XPO4: variants seen among roughly 807,000 people sequenced by gnomAD.
XPO4 encodes the protein exportin 4, also known as exportin-4.
XPO4 carries 39 observed loss-of-function variants against 143.0 expected under a neutral mutation model. The ratio of observed to expected loss-of-function variants is 0.27; its 90% CI spans 0.21 to 0.36. The LOEUF is 0.36. XPO4 is among the 10% of genes least tolerant of loss of function. XPO4 has a pLI of 1.00. For missense variants in XPO4, 907 were observed against 1,348.0 expected (o/e 0.67, Z 5.12); for synonymous variants, 439 against 474.0 (o/e 0.93, Z 0.96).
intron 6 of XPO4, among the ~76,000 whole-genome samples, chr13:20,829,389 G>A (rs1170193452): frequency 1.3e-5 from 2 of 152,022 alleles, no homozygotes; most frequent in South Asian, 2.1e-4. Context: ...GTAATATTTC[G>A]TATGCTTATA....
chr13:20,846,447 A>G (rs1482724549), intron 4 of XPO4, among the ~76,000 whole-genome samples: 1 of 152,216 alleles, frequency 6.6e-6, no homozygotes, highest in African/African-American at 2.4e-5. Flanking sequence ...CCCTAGTGGC[A>G]TGGAACTGCT....
At chr13:20,819,558 G>T (rs1011938540) in intron 9 of XPO4, among the ~76,000 whole-genome samples, 1 of 152,038 alleles carries the variant, frequency 6.6e-6, no homozygotes, top group Non-Finnish European at 1.5e-5. Flanking sequence ...TACTCGGGAG[G>T]CTGATGCAGA....
At chr13:20,875,939 A>T (rs903423305) in intron 1 of XPO4, among the ~76,000 whole-genome samples, 1 of 152,044 alleles carries the variant, frequency 6.6e-6, no homozygotes, top group African/African-American at 2.4e-5. Flanking sequence ...GTAAAGGCAC[A>T]AAAGGGTCAA....
intron 1 of XPO4, among the ~76,000 whole-genome samples, chr13:20,882,489 C>G (rs2060421906): frequency 6.6e-6 from 1 of 152,108 alleles, no homozygotes; most frequent in Admixed American, 6.6e-5. Flanking sequence ...ATGAGGGATC[C>G]ACCTCATGAC....
intron 4 of XPO4, among the ~76,000 whole-genome samples, chr13:20,847,522 C>T (rs1472745473): frequency 6.6e-6 from 1 of 152,154 alleles, no homozygotes; most frequent in East Asian, 1.9e-4. Flanking sequence ...TTTTCTTACC[C>T]TTAAAGAATG....
At chr13:20,796,342 C>G (rs896323476) in intron 17 of XPO4, 86 bp from the exon 18 acceptor site, 14 of 976,702 alleles carry the variant, frequency 1.4e-5, no homozygotes, top group Admixed American at 3.5e-5. Context: ...TAAATTAACT[C>G]CGAATTCCAA....
At chr13:20,806,761 C>T (rs2137879254) in intron 13 of XPO4, among the ~76,000 whole-genome samples, 1 of 151,972 alleles carries the variant, frequency 6.6e-6, no homozygotes. Context: ...CCATGTTGGC[C>T]AGGAGGGTCT....
chr13:20,845,243 T>C (rs2138067918), intron 4 of XPO4, among the ~76,000 whole-genome samples: 1 of 152,298 alleles, frequency 6.6e-6, no homozygotes, highest in Middle Eastern at 3.4e-3. Context: ...AGCGTGACTA[T>C]ATAGCTAATA....
intron 3 of XPO4, chr13:20,859,738 C>T (rs2060179410): frequency 6.4e-6 from 3 of 472,350 alleles, no homozygotes; most frequent in South Asian, 1.8e-4. Flanking sequence ...GATCACGCCA[C>T]TGCACTCCAG....
intron 7 of XPO4, among the ~76,000 whole-genome samples, chr13:20,823,633 C>T (rs1302997996): frequency 6.6e-6 from 1 of 151,534 alleles, no homozygotes; most frequent in South Asian, 2.1e-4. Context: ...ATTTTGTGAC[C>T]TGTGGAAATT....
chr13:20,817,364 T>C (rs1017882267), intron 9 of XPO4, among the ~76,000 whole-genome samples: 3 of 152,230 alleles, frequency 2.0e-5, no homozygotes, highest in Admixed American at 6.5e-5. Flanking sequence ...ACTTGACAAA[T>C]TGCAAATTTA....
intron 7 of XPO4, among the ~76,000 whole-genome samples, chr13:20,824,786 G>A (rs2059763596): frequency 6.6e-6 from 1 of 152,144 alleles, no homozygotes; most frequent in Non-Finnish European, 1.5e-5. Context: ...GAATGGCAAG[G>A]ATATGCATCA....
intron 13 of XPO4, among the ~76,000 whole-genome samples, chr13:20,804,212 T>TTA (rs936581445): frequency 1.1e-3 from 167 of 149,860 alleles, no homozygotes; most frequent in African/African-American, 3.8e-3. Flanking sequence ...TATACACACA[T>TTA]TATATATATA....
intron 6 of XPO4, among the ~76,000 whole-genome samples, chr13:20,837,150 A>G (rs767352638): frequency 2.6e-5 from 4 of 152,180 alleles, no homozygotes; most frequent in Non-Finnish European, 5.9e-5. Context: ...ACATTCATGT[A>G]CAAGTTTTTG....
In XPO4 at chr13:20,850,019, T is replaced by C. The variant is rs1184617988; in HGVS notation, c.456+5608A>G. On this transcript the variant is annotated intron_variant, in intron 4 of 22. Coordinates refer to ENST00000255305, the MANE Select transcript of XPO4 (RefSeq NM_022459.5). ...TACTCGGGTGGCTGAGGCATGAGAA[T>C]CGCTTAAACCCAGGAGGCGGAGGTT... The C allele has an allele frequency of 1.1e-5, 8 of 733,288 alleles. No homozygotes were observed. The East Asian group carries it at 3.9e-4, about 36-fold the overall frequency. 45.4% of individuals were successfully genotyped at this position (733,288 alleles called of 1,614,324 possible).
At chr13:20,816,592 A>G (rs1335427452) in intron 9 of XPO4, among the ~76,000 whole-genome samples, 1 of 152,252 alleles carries the variant, frequency 6.6e-6, no homozygotes, top group East Asian at 1.9e-4. Flanking sequence ...CAGACAGATC[A>G]CTTAAATATG....
intron 3 of XPO4, among the ~76,000 whole-genome samples, chr13:20,858,888 G>GA (rs1451067420): frequency 7.4e-6 from 1 of 135,274 alleles, no homozygotes; most frequent in Non-Finnish European, 1.6e-5. Context: ...AACAAAAAAA[G>GA]AAAAAATTAA....
chr13:20,852,563 C>T, intron 4 of XPO4: 1 of 983,600 alleles, frequency 1.0e-6, no homozygotes, highest in Non-Finnish European at 1.2e-6. Context: ...ATCTCATGAA[C>T]AAATCTTATA....
At chr13:20,786,052 G>A (rs1158782673) in intron 22 of XPO4, among the ~76,000 whole-genome samples, 1 of 152,048 alleles carries the variant, frequency 6.6e-6, no homozygotes, top group East Asian at 1.9e-4. Flanking sequence ...TAAGCAACAA[G>A]TAAGACAAAT....
Sources: gnomAD v4.1 joint callset for allele counts (sites outside exome capture counted in the v4.1 genomes callset) on GRCh38, gnomAD v4.1.1 for gene constraint, MANE v1.5 for transcripts, NCBI Gene and HGNC (gene_info 2026-07-23, HGNC 2026-07-21) for gene names.